CNTN4: variants seen among roughly 807,000 people sequenced by gnomAD.
CNTN4 encodes the protein contactin-4.
CNTN4 carries 77 observed loss-of-function variants against 122.5 expected under a neutral mutation model. That is an observed-to-expected ratio of 0.63 (90% CI 0.52 to 0.76). The LOEUF is 0.76. CNTN4 is among the 30% of genes least tolerant of loss of function. The pLI is 0.00. For synonymous variants in CNTN4, 512 were observed against 447.0 expected (o/e 1.15, Z -1.83); for missense variants, 1,256 against 1,259.1 (o/e 1.00, Z 0.04).
At chr3:2,101,065 TGG>T in intron 2 of CNTN4, among the ~76,000 whole-genome samples, 1 of 152,372 alleles carries the variant, frequency 6.6e-6, no homozygotes, top group African/African-American at 2.4e-5. Flanking sequence ...TCAAGTCAAT[TGG>T]GAGTCAATGC....
chr3:2,320,028 A>C (rs62243964), intron 2 of CNTN4, among the ~76,000 whole-genome samples: 1 of 152,120 alleles, frequency 6.6e-6, no homozygotes, highest in Non-Finnish European at 1.5e-5. Flanking sequence ...GACTTCTACA[A>C]TCTGTCAGAG....
intron 4 of CNTN4, among the ~76,000 whole-genome samples, chr3:2,643,878 T>C (rs1157040054): frequency 6.6e-6 from 1 of 152,156 alleles, no homozygotes; most frequent in Admixed American, 6.5e-5. Flanking sequence ...TCATAGCTTC[T>C]CTGGCAGCTG....
At chr3:2,625,470 T>C (rs916904749) in intron 4 of CNTN4, among the ~76,000 whole-genome samples, 1 of 152,222 alleles carries the variant, frequency 6.6e-6, no homozygotes, top group Admixed American at 6.5e-5. Flanking sequence ...TGCTCCTCTG[T>C]GATACCAGTC....
chr3:2,982,981 G>A (rs1443951433), intron 13 of CNTN4, among the ~76,000 whole-genome samples: 6 of 151,784 alleles, frequency 4.0e-5, no homozygotes, highest in East Asian at 3.9e-4. Flanking sequence ...TTTGGGAGGC[G>A]AGGCGGGCGG....
chr3:2,134,169 C>G (rs1308311290), intron 2 of CNTN4, among the ~76,000 whole-genome samples: 1 of 152,170 alleles, frequency 6.6e-6, no homozygotes, highest in Admixed American at 6.5e-5. Flanking sequence ...TGTCATTTGC[C>G]TCTCAGTGCT....
At chr3:2,556,624 A>G (rs903103229) in intron 3 of CNTN4, among the ~76,000 whole-genome samples, 2 of 152,016 alleles carry the variant, frequency 1.3e-5, no homozygotes, top group African/African-American at 4.8e-5. Flanking sequence ...TATAAATTTT[A>G]TATATGTGTA....
At position 2,896,209 on chromosome 3, in the gene CNTN4, T is replaced by G. The variant is rs537524780; in HGVS notation, c.941-4476T>G. Among the ~76,000 whole-genome samples, 5 of 152,214 alleles carry G rather than the reference T, an allele frequency of 3.3e-5. No individual in the cohort carries two copies. In the South Asian group the frequency reaches 1.0e-3, roughly 32 times the overall value. ...CCAGTATCAGCAAAGTATGTGTATG[T>G]TTCTCAAGGTACTTTTTTTAGCATG... is the stretch of plus-strand genomic sequence containing the variant. On this transcript the variant is annotated intron_variant, in intron 10 of 24. Transcript: ENST00000418658.
chr3:2,685,420 C>G (rs1243116388), intron 4 of CNTN4, among the ~76,000 whole-genome samples: 3 of 152,118 alleles, frequency 2.0e-5, no homozygotes, highest in Non-Finnish European at 4.4e-5. Context: ...TAATTCTTTA[C>G]CTGACTTTCT....
chr3:2,792,436 G>T (rs2092040622), intron 6 of CNTN4, among the ~76,000 whole-genome samples: 1 of 152,146 alleles, frequency 6.6e-6, no homozygotes, highest in Non-Finnish European at 1.5e-5. Flanking sequence ...TATTAATGTT[G>T]CTCTTAGTTT....
At chr3:2,666,059 A>G (rs931882405) in intron 4 of CNTN4, among the ~76,000 whole-genome samples, 1 of 152,182 alleles carries the variant, frequency 6.6e-6, no homozygotes, top group Non-Finnish European at 1.5e-5. Context: ...AGACTCCCTA[A>G]GTTGTCTACG....
chr3:2,625,743 CCT>C (rs2082159601), intron 4 of CNTN4, among the ~76,000 whole-genome samples: 1 of 152,052 alleles, frequency 6.6e-6, no homozygotes, highest in South Asian at 2.1e-4. Flanking sequence ...CTATTGATAT[CCT>C]CTCTTTTTTT....
intron 2 of CNTN4, among the ~76,000 whole-genome samples, chr3:2,105,215 G>A (rs902223705): frequency 6.6e-6 from 1 of 152,178 alleles, no homozygotes; most frequent in Non-Finnish European, 1.5e-5. Context: ...ACACCAAAAA[G>A]AGAACCTAGA....
chr3:2,574,338 A>G (rs904102521), intron 4 of CNTN4, among the ~76,000 whole-genome samples: 4 of 152,140 alleles, frequency 2.6e-5, no homozygotes, highest in Non-Finnish European at 1.5e-5. Flanking sequence ...GGTAAGGGAT[A>G]TGTTTACAGC....
intron 23 of CNTN4, among the ~76,000 whole-genome samples, chr3:3,052,226 G>C (rs1462139597): frequency 6.6e-6 from 1 of 152,178 alleles, no homozygotes; most frequent in Non-Finnish European, 1.5e-5. Flanking sequence ...CGGGGTTACT[G>C]ACCTCCTCAC....
At chr3:2,199,549 A>G (rs934757675) in intron 2 of CNTN4, among the ~76,000 whole-genome samples, 1 of 152,180 alleles carries the variant, frequency 6.6e-6, no homozygotes, top group Non-Finnish European at 1.5e-5. Context: ...TCATTGAATA[A>G]TGATTCGTTA....
intron 4 of CNTN4, among the ~76,000 whole-genome samples, chr3:2,683,661 G>T (rs889476983): frequency 1.3e-5 from 2 of 151,994 alleles, no homozygotes; most frequent in African/African-American, 4.8e-5. Flanking sequence ...AAAAATTGTG[G>T]AACAGAACAA....
intron 2 of CNTN4, among the ~76,000 whole-genome samples, chr3:2,166,453 G>C (rs1359529987): frequency 6.6e-6 from 1 of 152,126 alleles, no homozygotes; most frequent in Non-Finnish European, 1.5e-5. Flanking sequence ...CCAGTAGTCT[G>C]TATTTTTAAT....
intron 3 of CNTN4, among the ~76,000 whole-genome samples, chr3:2,513,782 AG>A (rs1285959694): frequency 6.6e-6 from 1 of 152,144 alleles, no homozygotes; most frequent in Non-Finnish European, 1.5e-5. Flanking sequence ...CTTAATCTGC[AG>A]GAAAGTGGAT....
intron 13 of CNTN4, among the ~76,000 whole-genome samples, chr3:2,969,035 G>C (rs1033166223): frequency 2.0e-5 from 3 of 151,334 alleles, no homozygotes; most frequent in South Asian, 2.1e-4. Flanking sequence ...ATGATTTTTA[G>C]TAAATTGTAC....
Sources: allele counts gnomAD v4.1 joint callset (sites outside exome capture counted in the v4.1 genomes callset), GRCh38; gene constraint gnomAD v4.1.1; transcripts MANE v1.5; gene names NCBI Gene and HGNC (gene_info 2026-07-23, HGNC 2026-07-21).